NKD1: variants seen among roughly 807,000 people sequenced by gnomAD.
The protein encoded by NKD1 is NKD inhibitor of Wnt signaling pathway 1, also known as protein naked cuticle homolog 1.
In NKD1, 21 loss-of-function variants were observed where a neutral mutation model predicts 56.0. The observed-to-expected ratio is 0.38, with a 90% confidence interval of 0.27 to 0.54. The LOEUF is 0.54. NKD1 is among the 20% of genes least tolerant of loss of function. The pLI, the probability that NKD1 is intolerant of heterozygous loss-of-function variation, is 0.82. For synonymous variants in NKD1, 263 were observed against 265.7 expected, an observed-to-expected ratio of 0.99 and a Z score of 0.10; for missense variants, 578 against 642.7, an observed-to-expected ratio of 0.90 and a Z score of 1.09.
chr16:50,631,506 G>A (rs1292623872), intron 8 of NKD1, among the ~76,000 whole-genome samples: 2 of 152,178 alleles, frequency 1.3e-5, no homozygotes, highest in South Asian at 2.1e-4. Context: ...GGGAATGATC[G>A]GAGCTGGATT....
At chr16:50,586,978 C>G (rs1961244183) in intron 3 of NKD1, among the ~76,000 whole-genome samples, 2 of 152,244 alleles carry the variant, frequency 1.3e-5, no homozygotes, top group African/African-American at 4.8e-5. Flanking sequence ...TCCATCCCAT[C>G]TCTCAGGTCG....
intron 3 of NKD1, among the ~76,000 whole-genome samples, chr16:50,587,167 A>G (rs1257206338): frequency 6.6e-6 from 1 of 152,238 alleles, no homozygotes; most frequent in African/African-American, 2.4e-5. Context: ...TCCCTATACC[A>G]GGGTCTCTCA....
At chr16:50,573,501 C>G (rs1254388048) in intron 3 of NKD1, among the ~76,000 whole-genome samples, 2 of 152,232 alleles carry the variant, frequency 1.3e-5, no homozygotes, top group Non-Finnish European at 2.9e-5. Flanking sequence ...CAAGTGCTTT[C>G]TGGGGTCAGA....
chr16:50,583,236 C>A (rs1243649887), intron 3 of NKD1, among the ~76,000 whole-genome samples: 1 of 152,184 alleles, frequency 6.6e-6, no homozygotes, highest in African/African-American at 2.4e-5. Flanking sequence ...GAAAGCCTGG[C>A]AGCTTTTGCT....
intron 3 of NKD1, among the ~76,000 whole-genome samples, chr16:50,597,996 G>A (rs1173446073): frequency 6.6e-6 from 1 of 152,166 alleles, no homozygotes. Flanking sequence ...AGAGGGAGGA[G>A]GGCGCTCCGG....
At chr16:50,555,946 C>T (rs1049267043) in intron 3 of NKD1, 2 of 152,232 alleles carry the variant, frequency 1.3e-5, no homozygotes, top group East Asian at 1.9e-4. Context: ...TCCCTCCCCA[C>T]GTCCCTTCCC....
intron 3 of NKD1, among the ~76,000 whole-genome samples, chr16:50,552,982 C>T (rs1199646398): frequency 2.0e-5 from 3 of 152,172 alleles, no homozygotes; most frequent in South Asian, 2.1e-4. Context: ...AAATGGGAGG[C>T]GCACGAGTAC....
At position 50,636,392 on chromosome 16, in the gene NKD1, T is replaced by C. The variant is rs1201014721; in HGVS notation, c.*2611T>C. 2.6e-5 allele frequency: 4 copies of C among 152,188 alleles called. No individual in the cohort carries two copies. Among genetic ancestry groups the C allele is most frequent in the African/African-American group, 9.7e-5 (4 of 41,442 alleles). 9.4% of individuals were successfully genotyped at this position (152,188 alleles called of 1,614,324 possible). On this transcript the variant is annotated 3_prime_UTR_variant, in exon 10 of 10. Coordinates refer to ENST00000268459, the MANE Select transcript of NKD1 (RefSeq NM_033119.5). ...ACTTTAAAAACATTATTTAAAAAAA[T>C]AGTAATGTGCACATGTAAAAGATTC...
At chr16:50,629,485 C>A (rs951539095) in intron 6 of NKD1, among the ~76,000 whole-genome samples, 4 of 152,210 alleles carry the variant, frequency 2.6e-5, no homozygotes, top group African/African-American at 9.6e-5. Flanking sequence ...TGCCCCCACT[C>A]CATTTTCCCT....
Position 50,622,775 on chromosome 16 carries a change from G to A in NKD1, c.366+1067G>A, listed in dbSNP as rs1962121747. ...CTGATTGGCACCGGCTAATTGCCAG[G>A]GTACCCAGCTTAGACTGGGTGTGGT... On this transcript the variant is annotated intron_variant, in intron 5 of 9. Transcript: ENST00000268459. Among the ~76,000 whole-genome samples the A allele has an allele frequency of 2.0e-5, 3 of 152,026 alleles. No individual in the cohort carries two copies. In the South Asian group the frequency reaches 6.2e-4, roughly 31 times the overall value.
At chr16:50,618,669 C>T (rs1354035208) in intron 4 of NKD1, among the ~76,000 whole-genome samples, 2 of 152,168 alleles carry the variant, frequency 1.3e-5, no homozygotes, top group Non-Finnish European at 2.9e-5. Flanking sequence ...TGCTGACTGT[C>T]CTTGTTCCTG....
chr16:50,621,035 G>A (rs1014844173), intron 4 of NKD1, among the ~76,000 whole-genome samples: 19 of 152,206 alleles, frequency 1.2e-4, no homozygotes, highest in African/African-American at 1.2e-4. Flanking sequence ...CTGCATGTGC[G>A]TGTGTATGTG....
At chr16:50,600,354 G>A (rs1366637878) in intron 3 of NKD1, among the ~76,000 whole-genome samples, 1 of 151,740 alleles carries the variant, frequency 6.6e-6, no homozygotes, top group Non-Finnish European at 1.5e-5. Flanking sequence ...GTGTCGGTGG[G>A]AGTCGCAGAT....
At chr16:50,616,488 A>G (rs561480450) in intron 4 of NKD1, among the ~76,000 whole-genome samples, 2 of 152,324 alleles carry the variant, frequency 1.3e-5, no homozygotes, top group Admixed American at 6.5e-5. Flanking sequence ...ATCAAGGCAG[A>G]AGGTATGGCA....
intron 3 of NKD1, among the ~76,000 whole-genome samples, chr16:50,553,025 C>T (rs894650466): frequency 1.3e-5 from 2 of 152,166 alleles, no homozygotes; most frequent in African/African-American, 2.4e-5. Flanking sequence ...GATCAGCACA[C>T]GCGGCAAAGA....
In NKD1 at chr16:50,634,817, G is replaced by A. The variant is rs1277304708; in HGVS notation, c.*1036G>A. ...TGCTTGTCTCCTTTTGGGGCTGGAC[G>A]GCTCTCAGATGCTTTCATCAGAGGT... On this transcript the variant is annotated 3_prime_UTR_variant, in exon 10 of 10. Transcript: ENST00000268459. 2.0e-5 allele frequency: 3 copies of A among 152,266 alleles called. No individual in the cohort carries two copies. The highest frequency in any genetic ancestry group is 4.4e-5 in the Non-Finnish European group (3 of 68,038). 9.4% of individuals were successfully genotyped at this position (152,266 alleles called of 1,614,324 possible).
rs533050469 is a variant in NKD1, at chr16:50,550,348, C to A, written c.192+793C>A. Among the ~76,000 whole-genome samples, 4 of 151,092 alleles carry A rather than the reference C, an allele frequency of 2.6e-5. No homozygotes were observed. In the East Asian group the frequency reaches 8.1e-4, roughly 30 times the overall value. ...AGGATGAATCAACTTTTTGATGTGA[C>A]ATTTAATTTTTTTTTTTTTTTTTAA... On this transcript the variant is annotated intron_variant, in intron 3 of 9. Transcript: ENST00000268459.
chr16:50,562,983 A>ACCCCCCCCCCCCCCC (rs1483596865), intron 3 of NKD1, among the ~76,000 whole-genome samples: 34 of 53,510 alleles, frequency 6.4e-4, no homozygotes, highest in African/African-American at 1.5e-3. Flanking sequence ...AGGTCCCACC[A>ACCCCCCCCCCCCCCC]CCACCCCCCC....
chr16:50,566,609 A>G (rs532429061), intron 3 of NKD1, among the ~76,000 whole-genome samples: 7 of 152,354 alleles, frequency 4.6e-5, no homozygotes, highest in African/African-American at 2.4e-5. Flanking sequence ...AGCACACTGT[A>G]TGGGTGGAGC....
Sources: allele counts gnomAD v4.1 joint callset (sites outside exome capture counted in the v4.1 genomes callset), GRCh38; gene constraint gnomAD v4.1.1; transcripts MANE v1.5; gene names NCBI Gene and HGNC (gene_info 2026-07-23, HGNC 2026-07-21).